The following PAX5 variants were observed in gnomAD, a reference collection of about 807,000 sequenced individuals.
PAX5 encodes paired box protein Pax-5.
In PAX5, 9 loss-of-function variants were observed where a neutral mutation model predicts 43.7. That is an observed-to-expected ratio of 0.21 (90% CI 0.12 to 0.36). PAX5 has a LOEUF of 0.36. Among genes scored for constraint, PAX5 ranks in the 10% least tolerant of loss-of-function variants. The pLI, the probability that PAX5 is intolerant of heterozygous loss-of-function variation, is 1.00. For synonymous variants in PAX5, 228 were observed against 214.3 expected, an observed-to-expected ratio of 1.06 and a Z score of -0.56; for missense variants, 383 against 532.7, an observed-to-expected ratio of 0.72 and a Z score of 2.77.
chr9:37,007,837 T>C (rs1381292255), intron 3 of PAX5: 1 of 152,208 alleles, frequency 6.6e-6, no homozygotes, highest in Non-Finnish European at 1.5e-5. Flanking sequence ...CATTTTTCTC[T>C]TAACAAAATC....
intron 8 of PAX5, among the ~76,000 whole-genome samples, chr9:36,873,240 A>AT (rs983454214): frequency 4.6e-5 from 7 of 152,178 alleles, no homozygotes; most frequent in African/African-American, 7.2e-5. Flanking sequence ...GCACATCAGG[A>AT]TTTTTTTATA....
At chr9:36,960,620 G>T (rs751093564) in intron 6 of PAX5, among the ~76,000 whole-genome samples, 71 of 152,344 alleles carry the variant, frequency 4.7e-4, no homozygotes, top group Non-Finnish European at 9.7e-4. Context: ...AGTGAAGGTT[G>T]CTTCCAAGGT....
rs1052120717 is a variant in PAX5 at position 36,922,911 on chromosome 9, C to A, written c.910+444G>T. The A allele has an allele frequency of 1.8e-5, 3 of 166,280 alleles. No individual in the cohort carries two copies. The South Asian group carries it at 5.2e-4, about 29-fold the overall frequency. 10.3% of individuals were successfully genotyped at this position (166,280 alleles called of 1,614,324 possible). On this transcript the variant is annotated intron_variant, in intron 7 of 9. Transcript: ENST00000358127. ...GAAGCTGCTTGGCATCCACCATGCA[C>A]CATCCAGCTTACGCCACCTACCCTT...
At chr9:36,898,057 C>T (rs1176766603) in intron 7 of PAX5, among the ~76,000 whole-genome samples, 3 of 152,196 alleles carry the variant, frequency 2.0e-5, no homozygotes, top group Non-Finnish European at 4.4e-5. Context: ...AAATGGGAAC[C>T]ATGCCCCTTG....
At chr9:36,941,488 C>T (rs1320552021) in intron 6 of PAX5, among the ~76,000 whole-genome samples, 1 of 152,180 alleles carries the variant, frequency 6.6e-6, no homozygotes, top group Non-Finnish European at 1.5e-5. Flanking sequence ...GGGCGTGAAT[C>T]TCCTGTCCTG....
chr9:37,011,144 A>AAAAAAAAAAAAAAAAAAAG (rs1564074650), intron 3 of PAX5, among the ~76,000 whole-genome samples: 1 of 145,568 alleles, frequency 6.9e-6, no homozygotes, highest in Non-Finnish European at 1.5e-5. Flanking sequence ...AAAAAAAAAA[A>AAAAAAAAAAAAAAAAAAAG]AAAGAAAGAG....
intron 5 of PAX5, among the ~76,000 whole-genome samples, chr9:36,987,807 T>C (rs994371224): frequency 3.9e-5 from 6 of 152,238 alleles, no homozygotes; most frequent in African/African-American, 1.2e-4. Context: ...TTTTCGCCCA[T>C]TGTCTCTGCC....
chr9:36,833,545 C>CA lies in PAX5; in HGVS notation c.*7014dup. The CA allele has an allele frequency of 4.3e-6, 1 of 232,946 alleles. No individual in the cohort carries two copies. The highest frequency in any genetic ancestry group is 8.5e-6 in the Non-Finnish European group (1 of 117,950). The allele number at this position is 232,946 out of a possible 1,614,324, so 14.4% of individuals were successfully genotyped here. ...AAAAAAAGTAAAAAAAAAATTAAAC[C>CA]AAAACCCCACCCCTGTTTTCTCCCA... On this transcript the variant is annotated 3_prime_UTR_variant, in exon 10 of 10. Coordinates refer to ENST00000358127, the MANE Select transcript of PAX5 (RefSeq NM_016734.3).
At chr9:36,980,684 C>G (rs1189900425) in intron 5 of PAX5, among the ~76,000 whole-genome samples, 1 of 152,090 alleles carries the variant, frequency 6.6e-6, no homozygotes, top group Admixed American at 6.5e-5. Flanking sequence ...GAGACTGAGG[C>G]CCAGGGTCGA....
At chr9:36,848,350 C>CACACA (rs139370055) in intron 8 of PAX5, among the ~76,000 whole-genome samples, 1 of 136,366 alleles carries the variant, frequency 7.3e-6, no homozygotes, top group African/African-American at 2.9e-5. Flanking sequence ...CAGAGCGTGT[C>CACACA]CACACACACA....
intron 7 of PAX5, among the ~76,000 whole-genome samples, chr9:36,898,919 A>C (rs922311105): frequency 1.3e-5 from 2 of 151,922 alleles, no homozygotes; most frequent in South Asian, 2.1e-4. Flanking sequence ...GCAGACACCC[A>C]TCGCCACCGC....
intron 6 of PAX5, among the ~76,000 whole-genome samples, chr9:36,947,011 C>T (rs1832582362): frequency 6.6e-6 from 1 of 152,264 alleles, no homozygotes; most frequent in Non-Finnish European, 1.5e-5. Context: ...GTGAATAGTG[C>T]TGCCCCCAGG....
At chr9:36,875,929 A>G (rs1825868633) in intron 8 of PAX5, among the ~76,000 whole-genome samples, 1 of 152,238 alleles carries the variant, frequency 6.6e-6, no homozygotes, top group Non-Finnish European at 1.5e-5. Context: ...TCAGAGGGAG[A>G]AAAGTGTCTG....
intron 6 of PAX5, among the ~76,000 whole-genome samples, chr9:36,930,652 G>A (rs1261594739): frequency 6.6e-6 from 1 of 152,204 alleles, no homozygotes; most frequent in Non-Finnish European, 1.5e-5. Flanking sequence ...GTGGCTGTAG[G>A]TGAGCTGGGC....
chr9:36,867,673 A>G (rs1392452052), intron 8 of PAX5, among the ~76,000 whole-genome samples: 1 of 152,170 alleles, frequency 6.6e-6, no homozygotes, highest in African/African-American at 2.4e-5. Context: ...GTATGGTAAC[A>G]CAGTTGTCAT....
chr9:36,943,844 T>C (rs1246110408), intron 6 of PAX5, among the ~76,000 whole-genome samples: 1 of 151,418 alleles, frequency 6.6e-6, no homozygotes, highest in African/African-American at 2.4e-5. Context: ...TATATGGAGG[T>C]ATGGAGGGAA....
At chr9:36,938,157 C>A (rs893757603) in intron 6 of PAX5, among the ~76,000 whole-genome samples, 1 of 152,182 alleles carries the variant, frequency 6.6e-6, no homozygotes, top group African/African-American at 2.4e-5. Flanking sequence ...TCAGGGTTAA[C>A]TTTACTTAAG....
At chr9:36,952,559 T>C (rs7855205) in intron 6 of PAX5, among the ~76,000 whole-genome samples, 110,048 of 151,950 alleles carry the variant, frequency 0.72, 40,286 homozygotes, top group South Asian at 0.84. Context: ...TCTTTACGTC[T>C]CCTCTTCTTC....
chr9:36,985,094 C>T (rs1337519222), intron 5 of PAX5, among the ~76,000 whole-genome samples: 1 of 152,198 alleles, frequency 6.6e-6, no homozygotes, highest in African/African-American at 2.4e-5. Flanking sequence ...CAGCTTAGAC[C>T]CATTCCACTG....
Sources: gnomAD v4.1 joint callset for allele counts (sites outside exome capture counted in the v4.1 genomes callset) on GRCh38, gnomAD v4.1.1 for gene constraint, MANE v1.5 for transcripts, NCBI Gene and HGNC (gene_info 2026-07-23, HGNC 2026-07-21) for gene names.